The following PRPF4 variants were observed in gnomAD, a reference collection of about 807,000 sequenced individuals.
PRPF4 encodes pre-mRNA splicing tri-snRNP complex factor PRPF4, also known as U4/U6 small nuclear ribonucleoprotein Prp4.
A neutral mutation model predicts 72.2 loss-of-function variants in PRPF4; 14 were observed. The ratio of observed to expected loss-of-function variants is 0.19; its 90% CI spans 0.13 to 0.30. The LOEUF is 0.30. PRPF4 is among the 10% of genes least tolerant of loss of function. The pLI is 1.00. For synonymous variants in PRPF4, 225 were observed against 232.2 expected (o/e 0.97, Z 0.28); for missense variants, 478 against 653.9 (o/e 0.73, Z 2.93).
At chr9:113,284,749 A>G (rs1369291677) in intron 7 of PRPF4, among the ~76,000 whole-genome samples, 1 of 152,174 alleles carries the variant, frequency 6.6e-6, no homozygotes, top group African/African-American at 2.4e-5. Context: ...TAATTTCTGT[A>G]AGCTTCAGTG....
At chr9:113,286,341 G>A (rs1337330648) in intron 8 of PRPF4, 51 bp downstream of exon 8, 1 of 1,503,520 alleles carries the variant, frequency 6.7e-7, no homozygotes, top group Non-Finnish European at 9.3e-7. Context: ...TGTGAACTCA[G>A]TTAAGCCTTA....
intron 9 of PRPF4, among the ~76,000 whole-genome samples, chr9:113,287,496 A>C (rs1390314764): frequency 1.3e-5 from 2 of 152,334 alleles, no homozygotes; most frequent in East Asian, 1.9e-4. Flanking sequence ...AAAAAAAAAA[A>C]ACTTCGGAAG....
chr9:113,275,948 C>T (rs1564238792), intron 1 of PRPF4, among the ~76,000 whole-genome samples, 178 bp downstream of exon 1: 1 of 152,202 alleles, frequency 6.6e-6, no homozygotes. Flanking sequence ...TAAGCGCTTT[C>T]GTGGACTGTA....
Position 113,286,845 on chromosome 9 carries a change from T to A in PRPF4, c.932+17T>A. ...TCTCGACAGGTGAATATCACTGTTC[T>A]GTGGCCCATACTGCCATCACTAAAG... On this transcript the variant is annotated intron_variant, in intron 9 of 13. Transcript: ENST00000374198. 6.2e-7 allele frequency: 1 copy of A among 1,614,080 alleles called. No homozygotes were observed. The highest frequency in any genetic ancestry group is 8.5e-7 in the Non-Finnish European group (1 of 1,179,922).
At chr9:113,283,019 C>CGG in intron 4 of PRPF4, 113 bp from the exon 5 acceptor site, 1 of 1,550,090 alleles carries the variant, frequency 6.5e-7, no homozygotes. Flanking sequence ...TGATTTCATC[C>CGG]TATTACCGAA....
intron 13 of PRPF4, 106 bp downstream of exon 13, chr9:113,291,122 G>T: frequency 8.7e-7 from 1 of 1,155,330 alleles, no homozygotes; most frequent in Non-Finnish European, 1.3e-6. Context: ...AAACAGGAGA[G>T]AAATTGACCT....
At chr9:113,283,363 C>T (rs1440035488) in intron 5 of PRPF4, 26 bp from the exon 6 acceptor site, 23 of 1,613,768 alleles carry the variant, frequency 1.4e-5, no homozygotes, top group East Asian at 4.5e-5. Flanking sequence ...CCTGTTGCTC[C>T]TGGTGATGGT....
chr9:113,286,629 C>T, intron 8 of PRPF4, 76 bp from the exon 9 acceptor site: 3 of 1,553,246 alleles, frequency 1.9e-6, no homozygotes, highest in South Asian at 2.3e-5. Context: ...TCTGTATGTC[C>T]ACATGTTCCC....
intron 7 of PRPF4, among the ~76,000 whole-genome samples, chr9:113,285,150 C>T (rs867364670): frequency 1.3e-5 from 2 of 151,084 alleles, no homozygotes; most frequent in Non-Finnish European, 2.9e-5. Flanking sequence ...AAAGATCATC[C>T]GAGATAATAG....
chr9:113,283,158 A>G lies in PRPF4; in HGVS notation c.507A>G (p.Gly169=). The change falls in exon 5 of 14, where the codon GGA becomes GGG. Residue 169 remains glycine, a synonymous_variant. Coordinates refer to ENST00000374198, the MANE Select transcript of PRPF4 (RefSeq NM_001244926.2). The part of the protein sequence containing the change: ...EEYQQTWYHE[G]PNSLKVARLW... ...ATCAGCAAACCTGGTATCATGAAGG[A>G]CCAAATAGCTTGAAGGTGGCAAGAC... 8 of 1,614,224 alleles carry G rather than the reference A, an allele frequency of 5.0e-6. No individual in the cohort carries two copies. Among genetic ancestry groups the G allele is most frequent in the African/African-American group, 1.3e-5 (1 of 75,058 alleles).
Position 113,292,241 on chromosome 9 carries a change from C to T in PRPF4, c.*581C>T, listed in dbSNP as rs1018307918. On this transcript the variant is annotated 3_prime_UTR_variant, in exon 14 of 14. Transcript: ENST00000374198. ...AAAAAAAAAAAATTTGTTCGAATGC[C>T]TTATAGCCTTCCTCACAGCACCCAG... The T allele has an allele frequency of 2.0e-5, 3 of 152,440 alleles. No individual in the cohort carries two copies. Among genetic ancestry groups the T allele is most frequent in the African/African-American group, 7.2e-5 (3 of 41,386 alleles). The allele number at this position is 152,440 out of a possible 1,614,324, so 9.4% of individuals were successfully genotyped here. A position where few individuals can be genotyped will look rare whatever the true frequency, so the allele number is the denominator to read the frequency against.
At chr9:113,275,899 G>A (rs112589433) in intron 1 of PRPF4, 129 bp downstream of exon 1, 2 of 1,303,384 alleles carry the variant, frequency 1.5e-6, no homozygotes, top group Non-Finnish European at 2.1e-6. Flanking sequence ...GCGGGACTCA[G>A]CGGTGTCCTA....
intron 2 of PRPF4, among the ~76,000 whole-genome samples, chr9:113,277,767 A>G (rs1285172406): frequency 1.3e-5 from 2 of 152,156 alleles, no homozygotes; most frequent in Non-Finnish European, 2.9e-5. Flanking sequence ...TGGGAGGCTG[A>G]GAAGCGGGAG....
In PRPF4 at chr9:113,283,433, C is replaced by T. The variant is rs1832341443; in HGVS notation, c.605C>T (p.Pro202Leu). The change falls in exon 6 of 14, where the codon CCT becomes CTT. Residue 202 changes from proline (P) to leucine (L), a missense_variant. Coordinates refer to ENST00000374198, the MANE Select transcript of PRPF4 (RefSeq NM_001244926.2). ...GAGGCCCGACTCCATAAGGAGATTC[C>T]TGAGACAACAAGGACCTCCCAGATG... ...LEEARLHKEI[P>L]ETTRTSQMQE... 6.2e-7 allele frequency: 1 copy of T among 1,614,138 alleles called. No individual in the cohort carries two copies. The highest frequency in any genetic ancestry group is 1.1e-5 in the South Asian group (1 of 91,080).
intron 10 of PRPF4, among the ~76,000 whole-genome samples, chr9:113,288,644 C>T (rs1220365450): frequency 6.6e-6 from 1 of 152,090 alleles, no homozygotes; most frequent in African/African-American, 2.4e-5. Context: ...ACCATGTTGG[C>T]CAGGCTGGTC....
chr9:113,281,863 A>G (rs1052352095), intron 3 of PRPF4, among the ~76,000 whole-genome samples: 1 of 152,108 alleles, frequency 6.6e-6, no homozygotes, highest in Admixed American at 6.6e-5. Flanking sequence ...GCTTACTGCT[A>G]TAGTGATAGG....
chr9:113,286,331 T>C (rs775149105), intron 8 of PRPF4, 41 bp downstream of exon 8: 2 of 1,538,510 alleles, frequency 1.3e-6, no homozygotes, highest in Non-Finnish European at 1.8e-6. Flanking sequence ...TTTTTCCCAG[T>C]GTGAACTCAG....
At chr9:113,278,379 T>C (rs117027724) in intron 2 of PRPF4, among the ~76,000 whole-genome samples, 241 of 152,364 alleles carry the variant, frequency 1.6e-3, no homozygotes, top group Non-Finnish European at 2.9e-3. Context: ...TTTTAAACTT[T>C]TAATACTGTT....
In PRPF4 at chr9:113,284,278, T is replaced by C. The variant is rs1462991932; in HGVS notation, c.655-17T>C. The C allele has an allele frequency of 1.3e-6, 2 of 1,536,806 alleles. No individual in the cohort carries two copies. Among genetic ancestry groups the C allele is most frequent in the Non-Finnish European group, 1.8e-6 (2 of 1,112,020 alleles). Reference sequence around the variant, plus strand: ...CCTATTAATGATCACCGTGTGTGTATTTTTTTTCTTTTTAAGTCTTTGAAT... The same window carrying C: ...CCTATTAATGATCACCGTGTGTGTACTTTTTTTCTTTTTAAGTCTTTGAAT... On this transcript the variant is annotated splice_polypyrimidine_tract_variant and intron_variant, in intron 6 of 13. Transcript: ENST00000374198.
Sources: allele counts gnomAD v4.1 joint callset (sites outside exome capture counted in the v4.1 genomes callset), GRCh38; gene constraint gnomAD v4.1.1; transcripts MANE v1.5; gene names NCBI Gene and HGNC (gene_info 2026-07-23, HGNC 2026-07-21).